ITGAE: variants seen among roughly 807,000 people sequenced by gnomAD.
The protein encoded by ITGAE is integrin alpha-E.
In ITGAE, 99 loss-of-function variants were observed where a neutral mutation model predicts 136.5. The observed-to-expected ratio is 0.73, with a 90% confidence interval of 0.62 to 0.86. The LOEUF is 0.86. Ranked by LOEUF, ITGAE falls within the 40% of genes least tolerant of loss-of-function variation. The pLI is 0.00. For synonymous variants in ITGAE, 613 were observed against 591.8 expected (o/e 1.04, Z -0.52); for missense variants, 1,447 against 1,515.3 (o/e 0.95, Z 0.75).
At chr17:3,783,322 G>A (rs1199096927) in intron 1 of ITGAE, among the ~76,000 whole-genome samples, 1 of 152,030 alleles carries the variant, frequency 6.6e-6, no homozygotes, top group Admixed American at 6.6e-5. Flanking sequence ...TGTATTATTA[G>A]TAGAGACGAG....
chr17:3,734,355 G>C (rs1196477446), intron 21 of ITGAE, among the ~76,000 whole-genome samples: 1 of 152,216 alleles, frequency 6.6e-6, no homozygotes, highest in Non-Finnish European at 1.5e-5. Flanking sequence ...TTACAGGTGT[G>C]AGCCACCGTT....
rs753947245 is a variant in ITGAE at position 3,724,924 on chromosome 17, G to C, written c.3085-1180C>G. The stretch of plus-strand genomic sequence containing the variant: ...CGCATTGTGCCAAGGGGAATAGACA[G>C]GCTGGAGAGAACTAGATCAAGCCGG... On this transcript the variant is annotated intron_variant, in intron 26 of 30. Transcript: ENST00000263087. 5 of 1,613,632 alleles carry C rather than the reference G, an allele frequency of 3.1e-6. No homozygotes were observed. The African/African-American group carries it at 4.0e-5, about 13-fold the overall frequency.
intron 26 of ITGAE, chr17:3,726,535 A>G: frequency 1.7e-6 from 1 of 573,578 alleles, no homozygotes; most frequent in Non-Finnish European, 3.1e-6. Context: ...ATGTTCTGAA[A>G]GAAGTAAACT....
intron 1 of ITGAE, among the ~76,000 whole-genome samples, chr17:3,780,456 C>A (rs1597362308): frequency 1.3e-5 from 2 of 152,200 alleles, no homozygotes; most frequent in Admixed American, 6.5e-5. Flanking sequence ...AGCCACCGCG[C>A]CTGGCCTAAT....
intron 13 of ITGAE, 59 bp downstream of exon 13, chr17:3,753,724 T>C: frequency 3.1e-6 from 5 of 1,598,288 alleles, no homozygotes; most frequent in Non-Finnish European, 4.3e-6. Flanking sequence ...CTCCTTTCCC[T>C]TGGGGGCCTC....
At chr17:3,750,712 A>G (rs2272604) in intron 15 of ITGAE, among the ~76,000 whole-genome samples, 18,380 of 151,298 alleles carry the variant, frequency 0.12, 1,259 homozygotes, top group African/African-American at 0.17. Context: ...AGAGTGAGGC[A>G]TGGGGAAAGA....
intron 20 of ITGAE, among the ~76,000 whole-genome samples, chr17:3,739,599 C>T (rs1407838003): frequency 6.6e-6 from 1 of 152,164 alleles, no homozygotes; most frequent in Non-Finnish European, 1.5e-5. Flanking sequence ...GAGTCTGCTT[C>T]CTAATCTAGA....
intron 1 of ITGAE, among the ~76,000 whole-genome samples, chr17:3,780,993 C>T (rs566320257): frequency 6.6e-6 from 1 of 152,320 alleles, no homozygotes; most frequent in Admixed American, 6.5e-5. Flanking sequence ...CGTCAGCCAA[C>T]AAGCTCAGCC....
chr17:3,723,587 C>A, intron 27 of ITGAE, 101 bp downstream of exon 27: 1 of 1,293,398 alleles, frequency 7.7e-7, no homozygotes, highest in South Asian at 1.4e-5. Flanking sequence ...GCCCCCGGCA[C>A]TGGCCGGCAG....
intron 1 of ITGAE, among the ~76,000 whole-genome samples, chr17:3,789,881 A>T (rs775360226): frequency 9.2e-5 from 14 of 152,344 alleles, no homozygotes; most frequent in Admixed American, 2.6e-4. Context: ...AATTATTACT[A>T]ATAAATGTAG....
intron 1 of ITGAE, among the ~76,000 whole-genome samples, chr17:3,784,681 C>G (rs1190698141): frequency 6.6e-6 from 1 of 152,182 alleles, no homozygotes; most frequent in Admixed American, 6.5e-5. Context: ...GCGTGAGCCA[C>G]CGCACCCTCA....
rs1409177371 is a variant in ITGAE, at chr17:3,728,174, A to G, written c.2913-6T>C. On this transcript the variant is annotated splice_polypyrimidine_tract_variant and splice_region_variant and intron_variant, in intron 24 of 30. Transcript: ENST00000263087. ...TCACGTACATTATGGATGGTCTGCAATTGACAGGACATGCGTCAGCCCTTG... is the reference window on the plus strand; with the variant it reads ...TCACGTACATTATGGATGGTCTGCAGTTGACAGGACATGCGTCAGCCCTTG... 1 of 1,611,054 alleles carries G rather than the reference A, an allele frequency of 6.2e-7. No homozygotes were observed. The highest frequency in any genetic ancestry group is 8.5e-7 in the Non-Finnish European group (1 of 1,177,302).
chr17:3,798,371 AAGCAACACCAGAGG>A lies in ITGAE; in HGVS notation c.34+2726_34+2739del, dbSNP rs1325970145. Among the ~76,000 whole-genome samples, 1 of 152,090 alleles carries A rather than the reference AAGCAACACCAGAGG, an allele frequency of 6.6e-6. No individual in the cohort carries two copies. Among genetic ancestry groups the A allele is most frequent in the Non-Finnish European group, 1.5e-5 (1 of 68,002 alleles). ...CGATTTGGGGCGGGGCTGGAAGGGA[AAGCAACACCAGAGG>A]AGACAATCTCCTGCTCCCACTCACA... On this transcript the variant is annotated intron_variant, in intron 1 of 30. Transcript: ENST00000263087. The surrounding 1 kb of genome is among the most constrained non-coding windows in gnomAD (Gnocchi z 4.3).
intron 26 of ITGAE, chr17:3,723,952 C>T (rs748021280): frequency 5.8e-6 from 9 of 1,562,324 alleles, no homozygotes; most frequent in Admixed American, 1.9e-5. Flanking sequence ...GCTTCGCTCC[C>T]GGGACCTGGG....
chr17:3,769,055 G>A lies in ITGAE; in HGVS notation c.156-5095C>T, dbSNP rs1259176835. Among the ~76,000 whole-genome samples the A allele has an allele frequency of 2.6e-5, 4 of 151,984 alleles. No individual in the cohort carries two copies. The South Asian group carries it at 6.2e-4, about 24-fold the overall frequency. On this transcript the variant is annotated intron_variant, in intron 2 of 30. Coordinates refer to ENST00000263087, the MANE Select transcript of ITGAE (RefSeq NM_002208.5). The stretch of plus-strand genomic sequence containing the variant: ...CAACCCTGCCTCTCTCCCCAGCCCC[G>A]ACCTCAGCCCTAGACCCAGCATCTC...
chr17:3,745,908 G>C lies in ITGAE; in HGVS notation c.2175C>G (p.Leu725=). 6.2e-7 allele frequency: 1 copy of C among 1,613,932 alleles called. No individual in the cohort carries two copies. Among genetic ancestry groups the C allele is most frequent in the Middle Eastern group, 1.6e-4 (1 of 6,062 alleles). The change falls in exon 18 of 31, where the codon CTC becomes CTG. Residue 725 remains leucine (L), a synonymous_variant. Transcript: ENST00000263087. ...ASESGLREAL[L]NFTLDVDVGK... is the part of the protein sequence containing the mutation. ...CCACATCCACATCCAGCGTGAAGTT[G>C]AGAAGTGCCTCGCGGAGGCCTGGGA...
intron 28 of ITGAE, chr17:3,722,543 C>T (rs2051078113): frequency 6.6e-6 from 1 of 151,726 alleles, no homozygotes; most frequent in Admixed American, 6.6e-5. Context: ...CCACCTACGT[C>T]AGGACCTAGA....
At chr17:3,789,988 T>C (rs2052899620) in intron 1 of ITGAE, among the ~76,000 whole-genome samples, 1 of 151,824 alleles carries the variant, frequency 6.6e-6, no homozygotes, top group African/African-American at 2.4e-5. Flanking sequence ...TAAATGAGAG[T>C]CTGATAGACT....
chr17:3,800,118 AAAAATAAAAT>A (rs1276632558), intron 1 of ITGAE, among the ~76,000 whole-genome samples: 1 of 152,250 alleles, frequency 6.6e-6, no homozygotes, highest in East Asian at 1.9e-4. Context: ...CTCTGTCTCA[AAAAATAAAAT>A]AAAATAAAAT....
Sources: allele counts gnomAD v4.1 joint callset (sites outside exome capture counted in the v4.1 genomes callset), GRCh38; gene constraint gnomAD v4.1.1; non-coding constraint Gnocchi (gnomAD v3.1); transcripts MANE v1.5; gene names NCBI Gene and HGNC (gene_info 2026-07-23, HGNC 2026-07-21).